Variants in PPP6R3 observed in about 807,000 individuals in gnomAD.
PPP6R3 encodes serine/threonine-protein phosphatase 6 regulatory subunit 3.
PPP6R3 carries 38 observed loss-of-function variants against 110.7 expected under a neutral mutation model. The observed-to-expected ratio is 0.34, with a 90% confidence interval of 0.26 to 0.45. The LOEUF is 0.45. Ranked by LOEUF, PPP6R3 falls within the 20% of genes least tolerant of loss-of-function variation. The probability of loss-of-function intolerance (pLI) is 1.00; values close to 1 mark genes in which losing one functional copy is unlikely to be tolerated. For synonymous variants in PPP6R3, 369 were observed against 373.5 expected, an observed-to-expected ratio of 0.99 and a Z score of 0.14; for missense variants, 870 against 1,062.4, an observed-to-expected ratio of 0.82 and a Z score of 2.52.
chr11:68,515,018 G>A (rs1228317461), intron 1 of PPP6R3: 1 of 152,012 alleles, frequency 6.6e-6, no homozygotes, highest in African/African-American at 2.4e-5. Context: ...TAGGGCTTTT[G>A]ATCTTTCAGG....
At chr11:68,609,855 G>A (rs1036428014) in intron 22 of PPP6R3, 49 bp from the exon 23 acceptor site, 7 of 1,610,378 alleles carry the variant, frequency 4.3e-6, no homozygotes, top group Middle Eastern at 1.7e-4. Context: ...TGGTGCCTAG[G>A]TGCTGGTCCC....
At chr11:68,613,038 C>G (rs767926753) in intron 23 of PPP6R3, 28 bp from the exon 24 acceptor site, 1 of 1,614,082 alleles carries the variant, frequency 6.2e-7, no homozygotes, top group East Asian at 2.2e-5. Flanking sequence ...GCTGCAAGTG[C>G]CTCCGATGCC....
chr11:68,530,510 A>G (rs1184426840), intron 2 of PPP6R3, among the ~76,000 whole-genome samples: 3 of 152,220 alleles, frequency 2.0e-5, no homozygotes, highest in Non-Finnish European at 2.9e-5. Context: ...GGTAGCGGCA[A>G]CTTCTACTAG....
intron 2 of PPP6R3, among the ~76,000 whole-genome samples, chr11:68,530,975 A>G (rs778797461): frequency 1.2e-4 from 19 of 152,126 alleles, no homozygotes; most frequent in Non-Finnish European, 2.1e-4. Context: ...TCAGGGTTCT[A>G]ATAGTTTATC....
intron 13 of PPP6R3, among the ~76,000 whole-genome samples, chr11:68,574,937 G>A (rs1003401105): frequency 9.2e-5 from 14 of 152,194 alleles, no homozygotes; most frequent in African/African-American, 3.4e-4. Context: ...TCATTTCCCA[G>A]TGGGTCTTCC....
chr11:68,585,206 C>T (rs370705420), intron 15 of PPP6R3, among the ~76,000 whole-genome samples: 1 of 151,992 alleles, frequency 6.6e-6, no homozygotes, highest in East Asian at 1.9e-4. Context: ...TTTGACTCCC[C>T]ACCTCCCTGA....
intron 7 of PPP6R3, 130 bp downstream of exon 7, chr11:68,554,387 A>G (rs907293089): frequency 2.3e-5 from 14 of 598,758 alleles, no homozygotes; most frequent in Non-Finnish European, 3.8e-5. Context: ...GGTGGGTGAG[A>G]AGGTAGGGAA....
intron 1 of PPP6R3, among the ~76,000 whole-genome samples, chr11:68,506,925 A>G (rs368120500): frequency 3.1e-4 from 47 of 152,336 alleles, no homozygotes; most frequent in African/African-American, 1.1e-3. Flanking sequence ...GATTGGGATC[A>G]TGTAGTCATT....
intron 5 of PPP6R3, among the ~76,000 whole-genome samples, chr11:68,548,476 G>T (rs1377315016): frequency 6.6e-6 from 1 of 152,136 alleles, no homozygotes; most frequent in East Asian, 1.9e-4. Context: ...CTTTTTATGG[G>T]GGTGGTGAGA....
chr11:68,601,835 A>C lies in PPP6R3; in HGVS notation c.2193-28A>C, dbSNP rs151158763. On this transcript the variant is annotated intron_variant, in intron 20 of 23. Transcript: ENST00000393800. ...TAACTGAGGACCATTCCCTGCTGCT[A>C]ATATCTGAATTTTCTCTTTTTTGAA... 8.3e-6 allele frequency: 13 copies of C among 1,563,770 alleles called. No homozygotes were observed. In the East Asian group the frequency reaches 2.9e-4, roughly 35 times the overall value.
At chr11:68,574,422 TACAG>T (rs1322446868) in intron 13 of PPP6R3, among the ~76,000 whole-genome samples, 198 bp downstream of exon 13, 5 of 152,202 alleles carry the variant, frequency 3.3e-5, no homozygotes, top group African/African-American at 1.2e-4. Flanking sequence ...TTCATGTAGT[TACAG>T]ACCATTCCAT....
At chr11:68,570,302 G>C (rs1198939803) in intron 11 of PPP6R3, among the ~76,000 whole-genome samples, 1 of 152,216 alleles carries the variant, frequency 6.6e-6, no homozygotes, top group Non-Finnish European at 1.5e-5. Context: ...TTGTGATGTT[G>C]AGAGTCTTCC....
chr11:68,547,689 G>A (rs1045894119), intron 4 of PPP6R3, among the ~76,000 whole-genome samples: 4 of 152,160 alleles, frequency 2.6e-5, no homozygotes, highest in Admixed American at 1.3e-4. Context: ...ACTTATTTTA[G>A]TGCAAAATCT....
chr11:68,467,027 C>T (rs576729264), intron 1 of PPP6R3, among the ~76,000 whole-genome samples: 6 of 152,342 alleles, frequency 3.9e-5, no homozygotes, highest in East Asian at 1.9e-4. Flanking sequence ...AGGCGTGAGC[C>T]GCTGCACCCG....
chr11:68,545,510 TTGAGACATC>T (rs763443904), intron 4 of PPP6R3, among the ~76,000 whole-genome samples: 9 of 152,382 alleles, frequency 5.9e-5, no homozygotes, highest in African/African-American at 9.6e-5. Context: ...AGTGTCAGGC[TTGAGACATC>T]TGAGTGTATA....
chr11:68,612,395 T>C (rs1026316845), intron 23 of PPP6R3, among the ~76,000 whole-genome samples: 5 of 152,186 alleles, frequency 3.3e-5, no homozygotes, highest in Admixed American at 1.3e-4. Flanking sequence ...AAGCACCCTT[T>C]CCCAAGTCTG....
intron 1 of PPP6R3, among the ~76,000 whole-genome samples, chr11:68,486,996 A>G (rs2098951842): frequency 6.6e-6 from 1 of 151,892 alleles, no homozygotes; most frequent in Admixed American, 6.6e-5. Context: ...GCCTGGCTAG[A>G]GTTGCGCTGA....
intron 1 of PPP6R3, among the ~76,000 whole-genome samples, chr11:68,505,504 A>G (rs1358761820): frequency 6.6e-6 from 1 of 151,448 alleles, no homozygotes; most frequent in Non-Finnish European, 1.5e-5. Context: ...ATTTAGAGAG[A>G]TAGGGTCTTG....
chr11:68,561,696 T>C (rs1341751985), intron 8 of PPP6R3, among the ~76,000 whole-genome samples: 1 of 152,236 alleles, frequency 6.6e-6, no homozygotes, highest in Non-Finnish European at 1.5e-5. Context: ...TAAATTCCTT[T>C]ATGATAAAAC....
Sources: gnomAD v4.1 joint callset for allele counts (sites outside exome capture counted in the v4.1 genomes callset) on GRCh38, gnomAD v4.1.1 for gene constraint, MANE v1.5 for transcripts, NCBI Gene and HGNC (gene_info 2026-07-23, HGNC 2026-07-21) for gene names.